EYA1: variants seen among roughly 807,000 people sequenced by gnomAD.
EYA1 encodes the protein protein phosphatase EYA1.
In EYA1, 16 loss-of-function variants were observed where a neutral mutation model predicts 82.0. The ratio of observed to expected loss-of-function variants is 0.20; its 90% CI spans 0.13 to 0.30. The LOEUF (loss-of-function observed/expected upper bound fraction) is 0.30, where lower values mean the gene tolerates loss of function less well. Among genes scored for constraint, EYA1 ranks in the 10% least tolerant of loss-of-function variants. The probability of loss-of-function intolerance (pLI) is 1.00; values close to 1 mark genes in which losing one functional copy is unlikely to be tolerated. For synonymous variants in EYA1, 261 were observed against 264.4 expected (o/e 0.99, Z 0.12); for missense variants, 633 against 730.7 (o/e 0.87, Z 1.54).
At chr8:71,476,497 C>G (rs1809676288) in intron 2 of EYA1, among the ~76,000 whole-genome samples, 2 of 151,304 alleles carry the variant, frequency 1.3e-5, no homozygotes. Context: ...AACAAAATAC[C>G]CAGGAGTAAA....
chr8:71,370,053 A>G (rs1355320544), intron 2 of EYA1, among the ~76,000 whole-genome samples: 1 of 152,132 alleles, frequency 6.6e-6, no homozygotes, highest in Non-Finnish European at 1.5e-5. Context: ...AAAAGCCACC[A>G]TATACCACAT....
At chr8:71,237,751 T>G (rs1812018243) in intron 12 of EYA1, among the ~76,000 whole-genome samples, 1 of 152,204 alleles carries the variant, frequency 6.6e-6, no homozygotes, top group Non-Finnish European at 1.5e-5. Flanking sequence ...AGTGAATATA[T>G]TATACATAGG....
At chr8:71,200,939 T>G (rs991081806) in intron 17 of EYA1, among the ~76,000 whole-genome samples, 7 of 148,480 alleles carry the variant, frequency 4.7e-5, no homozygotes, top group Non-Finnish European at 8.9e-5. Flanking sequence ...TTATGAAAGA[T>G]TAACATTCAG....
At chr8:71,297,873 G>A (rs1022704419) in intron 9 of EYA1, among the ~76,000 whole-genome samples, 3 of 152,058 alleles carry the variant, frequency 2.0e-5, no homozygotes, top group Admixed American at 6.6e-5. Flanking sequence ...GGAAAATAAA[G>A]ATACATGGAA....
intron 2 of EYA1, among the ~76,000 whole-genome samples, chr8:71,437,128 C>T (rs1806071490): frequency 6.8e-6 from 1 of 147,174 alleles, no homozygotes; most frequent in African/African-American, 2.5e-5. Flanking sequence ...ACATAGTTTG[C>T]CTACATATAA....
At chr8:71,320,842 C>A (rs953583602) in intron 6 of EYA1, among the ~76,000 whole-genome samples, 1 of 151,844 alleles carries the variant, frequency 6.6e-6, no homozygotes, top group Admixed American at 6.6e-5. Context: ...CAAGCAGAAG[C>A]ACAATTAGAA....
At chr8:71,260,596 G>T (rs1814979114) in intron 11 of EYA1, among the ~76,000 whole-genome samples, 1 of 152,108 alleles carries the variant, frequency 6.6e-6, no homozygotes, top group Non-Finnish European at 1.5e-5. Flanking sequence ...GGAGTTATCA[G>T]AAGACAGTGC....
chr8:71,240,857 A>C (rs916689853), intron 12 of EYA1, among the ~76,000 whole-genome samples: 2 of 152,224 alleles, frequency 1.3e-5, no homozygotes, highest in African/African-American at 4.8e-5. Context: ...ACTCCGTTTG[A>C]AGGTTGCCTT....
intron 9 of EYA1, among the ~76,000 whole-genome samples, chr8:71,276,719 A>T (rs939837865): frequency 6.6e-6 from 1 of 152,164 alleles, no homozygotes; most frequent in African/African-American, 2.4e-5. Context: ...AGAGAGTGGT[A>T]AGACCCTTCT....
At chr8:71,463,191 A>G (rs974982489) in intron 2 of EYA1, among the ~76,000 whole-genome samples, 1 of 152,220 alleles carries the variant, frequency 6.6e-6, no homozygotes. Context: ...ACATGTGGCT[A>G]GTGGCTAGCT....
At chr8:71,500,345 C>T (rs966607366) in intron 2 of EYA1, among the ~76,000 whole-genome samples, 4 of 152,196 alleles carry the variant, frequency 2.6e-5, no homozygotes, top group Non-Finnish European at 5.9e-5. Context: ...AGAACTTCTA[C>T]TGGTGTCCGA....
chr8:71,523,700 T>C (rs573206702), intron 2 of EYA1, among the ~76,000 whole-genome samples: 3 of 152,334 alleles, frequency 2.0e-5, no homozygotes, highest in African/African-American at 7.2e-5. Context: ...TGAATTATAG[T>C]CCCCATTCAA....
At chr8:71,471,540 TG>T (rs1189037830) in intron 2 of EYA1, among the ~76,000 whole-genome samples, 2 of 152,074 alleles carry the variant, frequency 1.3e-5, no homozygotes, top group Non-Finnish European at 2.9e-5. Flanking sequence ...GGAAAATAAC[TG>T]TTTTCTCATA....
At chr8:71,300,660 GAGAT>G (rs757687440) in intron 7 of EYA1, among the ~76,000 whole-genome samples, 47 of 152,124 alleles carry the variant, frequency 3.1e-4, no homozygotes, top group Non-Finnish European at 6.3e-4. Flanking sequence ...TTTATACAAA[GAGAT>G]AGCAAAGATA....
At chr8:71,526,210 T>C (rs1042233525) in intron 2 of EYA1, among the ~76,000 whole-genome samples, 3 of 148,214 alleles carry the variant, frequency 2.0e-5, no homozygotes, top group Admixed American at 7.0e-5. Flanking sequence ...AGAAGAGTCA[T>C]ATTAATGTAT....
intron 3 of EYA1, among the ~76,000 whole-genome samples, chr8:71,351,256 T>C (rs1176621130): frequency 6.6e-6 from 1 of 152,170 alleles, no homozygotes; most frequent in East Asian, 1.9e-4. Flanking sequence ...CGGGCCATGA[T>C]TGGTGTTTTC....
At chr8:71,463,583 CTCTCTCTCTCT>C (rs1808537248) in intron 2 of EYA1, among the ~76,000 whole-genome samples, 1 of 22,518 alleles carries the variant, frequency 4.4e-5, no homozygotes, top group Non-Finnish European at 6.8e-5. Context: ...CTTTCTCTCT[CTCTCTCTCTCT>C]CTCTCTCTCT....
intron 9 of EYA1, among the ~76,000 whole-genome samples, chr8:71,289,243 G>A (rs1302574554): frequency 6.6e-6 from 1 of 152,224 alleles, no homozygotes; most frequent in African/African-American, 2.4e-5. Flanking sequence ...ACTGATTCAG[G>A]AAGTGGAAAA....
Position 71,215,362 on chromosome 8 carries a change from TA to T in EYA1, c.1597+24del, listed in dbSNP as rs1247901627. The stretch of plus-strand genomic sequence containing the variant: ...ATCCTGAAGGAAAAGAGCTGATTGT[TA>T]AAAAGAAAAGAAAAGCAGCTCACCT... On this transcript the variant is annotated intron_variant, in intron 16 of 17. Transcript: ENST00000340726. 4.4e-6 allele frequency: 7 copies of T among 1,608,872 alleles called. 1 individual carries two copies. The highest frequency in any genetic ancestry group is 5.9e-6 in the Non-Finnish European group (7 of 1,176,478).
Sources: allele counts gnomAD v4.1 joint callset (sites outside exome capture counted in the v4.1 genomes callset), GRCh38; gene constraint gnomAD v4.1.1; transcripts MANE v1.5; gene names NCBI Gene and HGNC (gene_info 2026-07-23, HGNC 2026-07-21).